The following STAU2 variants were observed in gnomAD, a reference collection of about 807,000 sequenced individuals.
STAU2 encodes the protein double-stranded RNA-binding protein Staufen homolog 2.
STAU2 carries 20 observed loss-of-function variants against 65.9 expected under a neutral mutation model. The ratio of observed to expected loss-of-function variants is 0.30; its 90% CI spans 0.21 to 0.44. STAU2 has a LOEUF of 0.44. STAU2 is among the 20% of genes least tolerant of loss of function. The probability of loss-of-function intolerance (pLI) is 1.00; values close to 1 mark genes in which losing one functional copy is unlikely to be tolerated. For missense variants in STAU2, 558 were observed against 683.9 expected (o/e 0.82, Z 2.05); for synonymous variants, 232 against 233.9 (o/e 0.99, Z 0.07).
At chr8:73,629,272 T>G (rs1750341498) in intron 6 of STAU2, among the ~76,000 whole-genome samples, 1 of 152,240 alleles carries the variant, frequency 6.6e-6, no homozygotes, top group Non-Finnish European at 1.5e-5. Context: ...TAAATCCCAT[T>G]TTCCCACTGT....
chr8:73,674,145 C>G (rs73689019), intron 5 of STAU2, among the ~76,000 whole-genome samples: 10,608 of 135,056 alleles, frequency 0.079, 416 homozygotes, highest in Middle Eastern at 0.16. Context: ...AAAAAAAAAA[C>G]TTACTTAGGA....
chr8:73,637,392 T>C (rs934005811), intron 6 of STAU2, among the ~76,000 whole-genome samples: 1 of 129,544 alleles, frequency 7.7e-6, no homozygotes, highest in African/African-American at 2.9e-5. Flanking sequence ...ACAATTCAAA[T>C]GATGGATGAC....
At chr8:73,744,207 T>C (rs935557273) in intron 1 of STAU2, among the ~76,000 whole-genome samples, 3 of 152,136 alleles carry the variant, frequency 2.0e-5, no homozygotes, top group Non-Finnish European at 4.4e-5. Flanking sequence ...TTGGGGAGGA[T>C]TATTTAAAAT....
At chr8:73,462,359 C>T (rs982528207) in intron 13 of STAU2, among the ~76,000 whole-genome samples, 4 of 152,122 alleles carry the variant, frequency 2.6e-5, no homozygotes, top group African/African-American at 9.6e-5. Flanking sequence ...GCCTTGGCCT[C>T]CCAAAGTGCT....
At chr8:73,721,447 CAA>C (rs1821683363) in intron 3 of STAU2, among the ~76,000 whole-genome samples, 1 of 152,090 alleles carries the variant, frequency 6.6e-6, no homozygotes, top group South Asian at 2.1e-4. Context: ...AACAGTTACT[CAA>C]GTCTACTATA....
chr8:73,624,829 C>G (rs556856270), intron 6 of STAU2, among the ~76,000 whole-genome samples: 379 of 152,310 alleles, frequency 2.5e-3, no homozygotes, highest in Non-Finnish European at 4.1e-3. Context: ...TTCTGAAGAT[C>G]TCTGTACGCC....
intron 13 of STAU2, among the ~76,000 whole-genome samples, chr8:73,489,814 C>G (rs28541868): frequency 2.0e-5 from 3 of 151,976 alleles, no homozygotes; most frequent in Non-Finnish European, 4.4e-5. Context: ...AGACTCAGTT[C>G]TGCAGAAAGT....
rs572584533 is a variant in STAU2, at chr8:73,725,932, T to TCAA, written c.-18+12349_-18+12351dup. ...TGGGAAACCTGTCTCAAGACCTGTCTCAACAACAACAACAACAAAATTTTT... is the reference window on the plus strand; with the variant it reads ...TGGGAAACCTGTCTCAAGACCTGTCTCAACAACAACAACAACAACAAAATTTTT... On this transcript the variant is annotated intron_variant, in intron 3 of 14. Transcript: ENST00000524300. 2.8e-3 allele frequency among the ~76,000 whole-genome samples: 418 copies of TCAA among 151,788 alleles called. 2 individuals are homozygous for TCAA. Among genetic ancestry groups the TCAA allele is most frequent in the South Asian group, 9.2e-3 (44 of 4,788 alleles).
Position 73,585,620 on chromosome 8 carries a change from A to G in STAU2, c.1162-2790T>C, listed in dbSNP as rs189768009. Reference sequence around the variant, plus strand: ...GGAAGAGGTCAGGAGAGATGAGGTCAAAGTAATTACTACGAGAACTTCTCT... The same window carrying G: ...GGAAGAGGTCAGGAGAGATGAGGTCGAAGTAATTACTACGAGAACTTCTCT... On this transcript the variant is annotated intron_variant, in intron 11 of 14. Transcript: ENST00000524300. 2.6e-5 allele frequency among the ~76,000 whole-genome samples: 4 copies of G among 152,390 alleles called. No individual in the cohort carries two copies. In the East Asian group the frequency reaches 5.8e-4, roughly 22 times the overall value.
chr8:73,530,400 T>C (rs1279378724), intron 13 of STAU2, among the ~76,000 whole-genome samples: 2 of 151,998 alleles, frequency 1.3e-5, no homozygotes, highest in Non-Finnish European at 2.9e-5. Flanking sequence ...ACTGGTCCAA[T>C]CACAAAGAAC....
At chr8:73,490,572 CA>C (rs1821107961) in intron 13 of STAU2, among the ~76,000 whole-genome samples, 1 of 152,000 alleles carries the variant, frequency 6.6e-6, no homozygotes, top group Admixed American at 6.6e-5. Context: ...ACTCTGCAAT[CA>C]AAGATACACG....
At chr8:73,577,456 T>C (rs752573367) in intron 12 of STAU2, among the ~76,000 whole-genome samples, 242 of 150,390 alleles carry the variant, frequency 1.6e-3, no homozygotes, top group Non-Finnish European at 2.6e-3. Flanking sequence ...TATATATATA[T>C]ACACACACAT....
At chr8:73,634,744 C>T (rs1220561820) in intron 6 of STAU2, among the ~76,000 whole-genome samples, 1 of 152,138 alleles carries the variant, frequency 6.6e-6, no homozygotes, top group African/African-American at 2.4e-5. Context: ...AGGGCCTTTA[C>T]AATGGCTGAT....
At chr8:73,667,813 C>T (rs1164839406) in intron 6 of STAU2, among the ~76,000 whole-genome samples, 1 of 152,200 alleles carries the variant, frequency 6.6e-6, no homozygotes, top group African/African-American at 2.4e-5. Context: ...CTATTACTAT[C>T]TCTGTTTTGC....
At chr8:73,588,827 ATCC>A (rs1322715497) in intron 11 of STAU2, among the ~76,000 whole-genome samples, 1 of 152,238 alleles carries the variant, frequency 6.6e-6, no homozygotes, top group Non-Finnish European at 1.5e-5. Context: ...CTGCCCAAAA[ATCC>A]AAGATAAAAT....
chr8:73,667,384 C>T (rs973397397), intron 6 of STAU2, among the ~76,000 whole-genome samples: 7 of 152,166 alleles, frequency 4.6e-5, no homozygotes, highest in Non-Finnish European at 8.8e-5. Context: ...ACATTCAAAT[C>T]GGGGCCCTGC....
At position 73,653,938 on chromosome 8, in the gene STAU2, T is replaced by A. The variant is rs926135595; in HGVS notation, c.410+19169A>T. The A allele has an allele frequency of 2.1e-5, 9 of 422,926 alleles. No individual in the cohort carries two copies. The Admixed American group carries it at 2.2e-4, about 10-fold the overall frequency. The allele number at this position is 422,926 out of a possible 1,614,324, so 26.2% of individuals were successfully genotyped here. A position where few individuals can be genotyped will look rare whatever the true frequency, so the allele number is the denominator to read the frequency against. On this transcript the variant is annotated intron_variant, in intron 6 of 14. Transcript: ENST00000524300. ...ATATTAAGTTTAGAATCAAGTTGTA[T>A]AGCTTTTCAAACTTTGTAAAAGTTC...
chr8:73,547,920 A>G (rs914967181), intron 13 of STAU2, among the ~76,000 whole-genome samples: 1 of 152,172 alleles, frequency 6.6e-6, no homozygotes, highest in Non-Finnish European at 1.5e-5. Context: ...AAAAAAAACC[A>G]CAAAAAAGCA....
At chr8:73,603,962 A>G (rs897545323) in intron 9 of STAU2, 99 bp from the exon 10 acceptor site, 6 of 1,267,168 alleles carry the variant, frequency 4.7e-6, no homozygotes, top group Non-Finnish European at 5.3e-6. Flanking sequence ...CCCACACCCC[A>G]AAACTGTGAC....
Sources: allele counts gnomAD v4.1 joint callset (sites outside exome capture counted in the v4.1 genomes callset), GRCh38; gene constraint gnomAD v4.1.1; transcripts MANE v1.5; gene names NCBI Gene and HGNC (gene_info 2026-07-23, HGNC 2026-07-21).